The following CHST9 variants were observed in gnomAD, a reference collection of about 807,000 sequenced individuals.
CHST9 encodes the protein carbohydrate sulfotransferase 9.
In CHST9, 41 loss-of-function variants were observed where a neutral mutation model predicts 44.4. The observed-to-expected ratio is 0.92, with a 90% confidence interval of 0.72 to 1.20. CHST9 has a LOEUF of 1.20. Ranked by LOEUF, CHST9 falls within the 50% of genes most tolerant of loss-of-function variation. CHST9 has a pLI of 0.00. For synonymous variants in CHST9, 171 were observed against 178.4 expected, an observed-to-expected ratio of 0.96 and a Z score of 0.33; for missense variants, 504 against 516.5, an observed-to-expected ratio of 0.98 and a Z score of 0.23.
intron 2 of CHST9, among the ~76,000 whole-genome samples, chr18:27,067,012 G>C (rs984893524): frequency 6.6e-6 from 1 of 152,076 alleles, no homozygotes; most frequent in Non-Finnish European, 1.5e-5. Context: ...TATTAAGATA[G>C]AATTATCTAT....
intron 4 of CHST9, among the ~76,000 whole-genome samples, chr18:26,971,568 C>A (rs912290368): frequency 6.6e-6 from 1 of 152,168 alleles, no homozygotes; most frequent in Non-Finnish European, 1.5e-5. Flanking sequence ...GAATAATGTT[C>A]GAATTAATCA....
intron 2 of CHST9, among the ~76,000 whole-genome samples, chr18:27,067,894 CAAAG>C (rs2057799083): frequency 6.6e-6 from 1 of 152,080 alleles, no homozygotes; most frequent in Non-Finnish European, 1.5e-5. Flanking sequence ...TGTGGGAAAA[CAAAG>C]AAGTTATAAC....
chr18:26,927,728 T>C (rs1335045557), intron 5 of CHST9, among the ~76,000 whole-genome samples: 2 of 25,198 alleles, frequency 7.9e-5, no homozygotes, highest in Admixed American at 4.2e-4. Context: ...TGCTCAGGGA[T>C]GACAGGGATG....
chr18:27,159,645 G>T (rs1408168070), intron 1 of CHST9, among the ~76,000 whole-genome samples: 6 of 152,302 alleles, frequency 3.9e-5, no homozygotes, highest in East Asian at 3.9e-4. Context: ...ATTCTGTGAA[G>T]AAAGTCATTG....
intron 2 of CHST9, among the ~76,000 whole-genome samples, chr18:27,097,508 C>T (rs2058128855): frequency 6.6e-6 from 1 of 152,162 alleles, no homozygotes; most frequent in South Asian, 2.1e-4. Context: ...AAAGACTCCA[C>T]CAAAAGGCTC....
chr18:27,050,411 T>TG (rs2057552150), intron 2 of CHST9, among the ~76,000 whole-genome samples: 2 of 152,170 alleles, frequency 1.3e-5, no homozygotes, highest in African/African-American at 2.4e-5. Flanking sequence ...CACTTTTTTT[T>TG]GTCATCTATC....
chr18:26,979,094 C>T (rs1401590160), intron 4 of CHST9, among the ~76,000 whole-genome samples: 1 of 151,510 alleles, frequency 6.6e-6, no homozygotes, highest in African/African-American at 2.4e-5. Flanking sequence ...GAGCATGTTA[C>T]CCTGTGCTAT....
At chr18:27,048,643 G>A in intron 2 of CHST9, 140 bp from the exon 3 acceptor site, 1 of 584,548 alleles carries the variant, frequency 1.7e-6, no homozygotes, top group Non-Finnish European at 3.0e-6. Flanking sequence ...AGATGACTGG[G>A]CTCAGCTGAC....
intron 4 of CHST9, among the ~76,000 whole-genome samples, chr18:27,003,520 C>T (rs905393898): frequency 6.6e-6 from 1 of 152,072 alleles, no homozygotes; most frequent in African/African-American, 2.4e-5. Context: ...GTAATTTCCG[C>T]AGATAGGGTG....
chr18:26,941,489 C>T (rs945971533), intron 5 of CHST9, among the ~76,000 whole-genome samples: 4 of 151,372 alleles, frequency 2.6e-5, no homozygotes, highest in African/African-American at 7.3e-5. Flanking sequence ...AATTTGATTT[C>T]GAAAGCATTT....
chr18:26,980,797 GC>G (rs1354960410), intron 4 of CHST9, among the ~76,000 whole-genome samples: 4 of 152,134 alleles, frequency 2.6e-5, no homozygotes, highest in Admixed American at 6.6e-5. Flanking sequence ...TTTACCAAGG[GC>G]AGAAAATGAG....
intron 2 of CHST9, among the ~76,000 whole-genome samples, chr18:27,059,778 C>T (rs2057699754): frequency 6.6e-6 from 1 of 152,130 alleles, no homozygotes; most frequent in Admixed American, 6.5e-5. Context: ...TCCCGCTAGC[C>T]CCAAGTTTTT....
chr18:27,029,801 C>A (rs769349932), intron 3 of CHST9, among the ~76,000 whole-genome samples: 1 of 152,140 alleles, frequency 6.6e-6, no homozygotes, highest in African/African-American at 2.4e-5. Flanking sequence ...TTTAAATCCA[C>A]GTATGATGGT....
intron 2 of CHST9, among the ~76,000 whole-genome samples, chr18:27,114,608 T>C (rs1185378637): frequency 1.3e-5 from 2 of 152,224 alleles, no homozygotes; most frequent in Non-Finnish European, 2.9e-5. Context: ...TCTATAGATA[T>C]TAGCAGTCAA....
intron 4 of CHST9, among the ~76,000 whole-genome samples, chr18:26,997,600 T>G (rs1045255804): frequency 2.0e-5 from 3 of 152,026 alleles, no homozygotes; most frequent in Admixed American, 6.6e-5. Flanking sequence ...GCAAATGGAG[T>G]TGGAAACTTT....
At chr18:27,021,788 C>T (rs183941718) in intron 4 of CHST9, among the ~76,000 whole-genome samples, 7 of 152,312 alleles carry the variant, frequency 4.6e-5, no homozygotes, top group African/African-American at 1.7e-4. Context: ...CCCGTGTAAG[C>T]TATGTGCTGT....
At chr18:27,093,214 G>C (rs1052420006) in intron 2 of CHST9, among the ~76,000 whole-genome samples, 1 of 152,244 alleles carries the variant, frequency 6.6e-6, no homozygotes, top group Admixed American at 6.5e-5. Context: ...GGACCCACTT[G>C]AGGAGGCAGT....
intron 4 of CHST9, among the ~76,000 whole-genome samples, chr18:27,022,925 C>T (rs1032383047): frequency 3.3e-5 from 5 of 152,194 alleles, no homozygotes; most frequent in African/African-American, 7.2e-5. Flanking sequence ...TTTATCTCTA[C>T]ATCCCTTGAT....
At chr18:27,101,361 G>A (rs1176471399) in intron 2 of CHST9, among the ~76,000 whole-genome samples, 1 of 152,128 alleles carries the variant, frequency 6.6e-6, no homozygotes, top group Non-Finnish European at 1.5e-5. Context: ...GGAGGCCGAG[G>A]CGGGTGGATC....
Sources: gnomAD v4.1 joint callset for allele counts (sites outside exome capture counted in the v4.1 genomes callset) on GRCh38, gnomAD v4.1.1 for gene constraint, MANE v1.5 for transcripts, NCBI Gene and HGNC (gene_info 2026-07-23, HGNC 2026-07-21) for gene names.